BRINP3: variants seen among roughly 807,000 people sequenced by gnomAD.
BRINP3 encodes the protein BMP/retinoic acid inducible neural specific 3, also known as BMP/retinoic acid-inducible neural-specific protein 3.
BRINP3 carries 19 observed loss-of-function variants against 71.0 expected under a neutral mutation model. The ratio of observed to expected loss-of-function variants is 0.27; its 90% CI spans 0.19 to 0.39. The LOEUF (loss-of-function observed/expected upper bound fraction) is 0.39. BRINP3 is among the 10% of genes least tolerant of loss of function. The pLI is 1.00. For missense variants in BRINP3, 959 were observed against 940.8 expected (o/e 1.02, Z -0.25); for synonymous variants, 380 against 337.7 (o/e 1.13, Z -1.37).
intron 6 of BRINP3, among the ~76,000 whole-genome samples, chr1:190,164,913 A>G (rs1310543572): frequency 2.0e-5 from 3 of 152,140 alleles, no homozygotes; most frequent in African/African-American, 7.2e-5. Context: ...ATTACTTGTT[A>G]ACATGAGGTA....
intron 2 of BRINP3, among the ~76,000 whole-genome samples, chr1:190,417,022 A>T (rs1435265699): frequency 6.6e-6 from 1 of 152,212 alleles, no homozygotes; most frequent in African/African-American, 2.4e-5. Flanking sequence ...TGCTTACTTC[A>T]GAAACTAAAA....
intron 2 of BRINP3, among the ~76,000 whole-genome samples, chr1:190,360,788 C>A (rs1000661236): frequency 7.2e-5 from 11 of 151,846 alleles, no homozygotes; most frequent in Non-Finnish European, 1.3e-4. Flanking sequence ...TTGAGCACAG[C>A]AGTTATAAAG....
chr1:190,251,249 A>G (rs1168825631), intron 4 of BRINP3, among the ~76,000 whole-genome samples: 2 of 151,892 alleles, frequency 1.3e-5, no homozygotes, highest in African/African-American at 4.8e-5. Context: ...TTGTACTTAT[A>G]ACTATGAGCA....
At chr1:190,311,120 C>A (rs183729182) in intron 2 of BRINP3, among the ~76,000 whole-genome samples, 2 of 151,758 alleles carry the variant, frequency 1.3e-5, no homozygotes, top group East Asian at 1.9e-4. Context: ...AGAATTCTAG[C>A]AAGAGTGCCA....
At chr1:190,253,474 G>A (rs116705135) in intron 4 of BRINP3, among the ~76,000 whole-genome samples, 9,768 of 152,130 alleles carry the variant, frequency 0.064, 439 homozygotes, top group East Asian at 0.11. Context: ...ATTATAACTG[G>A]TATGAAATGG....
At chr1:190,390,363 G>A (rs1019703027) in intron 2 of BRINP3, among the ~76,000 whole-genome samples, 1 of 151,756 alleles carries the variant, frequency 6.6e-6, no homozygotes, top group East Asian at 1.9e-4. Flanking sequence ...TAATGACAAT[G>A]TCTAAGACAT....
rs761082089 is a variant in BRINP3, at chr1:190,160,649, A to T, written c.1184+19T>A. On this transcript the variant is annotated intron_variant, in intron 7 of 7. Transcript: ENST00000367462. ...TTCGGCAATAAACTTAATTGCTTAC[A>T]TTACCACAAATGTCTTACCTTTGTC... The T allele has an allele frequency of 1.9e-6, 3 of 1,599,366 alleles. No homozygotes were observed. Among genetic ancestry groups the T allele is most frequent in the Non-Finnish European group, 2.6e-6 (3 of 1,172,542 alleles).
intron 6 of BRINP3, among the ~76,000 whole-genome samples, chr1:190,205,558 A>G (rs1288885403): frequency 6.6e-6 from 1 of 152,098 alleles, no homozygotes; most frequent in East Asian, 1.9e-4. Flanking sequence ...GCAGGTCAGA[A>G]GCAGACTACA....
chr1:190,313,712 G>C (rs1396152921), intron 2 of BRINP3, among the ~76,000 whole-genome samples: 1 of 151,854 alleles, frequency 6.6e-6, no homozygotes, highest in Admixed American at 6.6e-5. Context: ...TAGCTACTTG[G>C]ATTCTTCTTA....
At chr1:190,228,537 T>G (rs776165268) in intron 5 of BRINP3, among the ~76,000 whole-genome samples, 1 of 151,854 alleles carries the variant, frequency 6.6e-6, no homozygotes, top group African/African-American at 2.4e-5. Context: ...CAAGAAATGG[T>G]GAGTTCCGCT....
At chr1:190,360,226 G>C (rs1364663153) in intron 2 of BRINP3, among the ~76,000 whole-genome samples, 1 of 152,144 alleles carries the variant, frequency 6.6e-6, no homozygotes, top group African/African-American at 2.4e-5. Flanking sequence ...AGGTCTGTGT[G>C]ACACTTTATT....
intron 7 of BRINP3, among the ~76,000 whole-genome samples, chr1:190,110,679 C>T (rs1652588174): frequency 6.6e-6 from 1 of 152,058 alleles, no homozygotes; most frequent in African/African-American, 2.4e-5. Flanking sequence ...GCCTTCTATT[C>T]AACCAGCCTA....
At chr1:190,283,057 G>T (rs916506557) in intron 2 of BRINP3, among the ~76,000 whole-genome samples, 1 of 151,938 alleles carries the variant, frequency 6.6e-6, no homozygotes, top group African/African-American at 2.4e-5. Flanking sequence ...TTCTAACTAT[G>T]GATATTTAGT....
At chr1:190,229,532 G>T (rs576945653) in intron 5 of BRINP3, among the ~76,000 whole-genome samples, 1 of 151,624 alleles carries the variant, frequency 6.6e-6, no homozygotes, top group Non-Finnish European at 1.5e-5. Context: ...TTAGAGTTCT[G>T]CCCAGAACAA....
At chr1:190,275,582 T>C (rs1662486390) in intron 3 of BRINP3, among the ~76,000 whole-genome samples, 1 of 151,586 alleles carries the variant, frequency 6.6e-6, no homozygotes, top group Non-Finnish European at 1.5e-5. Flanking sequence ...GACCTGAATG[T>C]TCATTTAAGG....
chr1:190,424,693 A>C (rs894795067), intron 2 of BRINP3, among the ~76,000 whole-genome samples: 1 of 151,846 alleles, frequency 6.6e-6, no homozygotes, highest in African/African-American at 2.4e-5. Flanking sequence ...TTTTTGTAAT[A>C]ACTGAGAATT....
chr1:190,221,630 G>T (rs1656901062), intron 6 of BRINP3, among the ~76,000 whole-genome samples: 1 of 152,054 alleles, frequency 6.6e-6, no homozygotes, highest in Non-Finnish European at 1.5e-5. Flanking sequence ...GTGGCTGAAT[G>T]AATAAAGAAG....
intron 7 of BRINP3, among the ~76,000 whole-genome samples, chr1:190,131,085 A>C (rs945126996): frequency 1.1e-4 from 17 of 149,786 alleles, no homozygotes; most frequent in Non-Finnish European, 2.2e-4. Flanking sequence ...TAACTGATTC[A>C]GATAGATATT....
chr1:190,390,120 C>A (rs1181353517), intron 2 of BRINP3, among the ~76,000 whole-genome samples: 2 of 151,616 alleles, frequency 1.3e-5, no homozygotes, highest in Admixed American at 6.6e-5. Flanking sequence ...GGGTGAGAAC[C>A]AGTGAACAAT....
Sources: gnomAD v4.1 joint callset for allele counts (sites outside exome capture counted in the v4.1 genomes callset) on GRCh38, gnomAD v4.1.1 for gene constraint, MANE v1.5 for transcripts, NCBI Gene and HGNC (gene_info 2026-07-23, HGNC 2026-07-21) for gene names.